Variants in PDE4D observed in about 807,000 individuals in gnomAD.
The protein encoded by PDE4D is phosphodiesterase 4D, also known as 3',5'-cyclic-AMP phosphodiesterase 4D.
Under a neutral mutation model 87.4 loss-of-function variants are expected in PDE4D, and 24 were observed. The ratio of observed to expected loss-of-function variants is 0.27; its 90% CI spans 0.20 to 0.39. PDE4D has a LOEUF of 0.39. PDE4D is among the 10% of genes least tolerant of loss of function. PDE4D has a pLI of 1.00. For missense variants in PDE4D, 714 were observed against 1,041.0 expected (o/e 0.69, Z 4.32); for synonymous variants, 384 against 383.2 (o/e 1.00, Z -0.02).
intron 1 of PDE4D, among the ~76,000 whole-genome samples, chr5:59,242,692 C>CG (rs1213596519): frequency 6.6e-6 from 1 of 152,104 alleles, no homozygotes; most frequent in African/African-American, 2.4e-5. Context: ...TTACTGTGTG[C>CG]TGTAGACTGT....
intron 1 of PDE4D, among the ~76,000 whole-genome samples, chr5:59,372,768 C>T (rs1448416589): frequency 6.6e-6 from 1 of 152,194 alleles, no homozygotes; most frequent in Non-Finnish European, 1.5e-5. Context: ...GGCAGGCACC[C>T]CCACACCCAC....
chr5:60,047,941 C>A (rs966413347), intron 2 of PDE4D, among the ~76,000 whole-genome samples: 8 of 152,064 alleles, frequency 5.3e-5, no homozygotes, highest in South Asian at 2.1e-4. Context: ...TGTCTCGTTG[C>A]TCTGTCTAAT....
intron 1 of PDE4D, among the ~76,000 whole-genome samples, chr5:59,638,249 CCTAA>C (rs1740931004): frequency 6.6e-6 from 1 of 152,036 alleles, no homozygotes; most frequent in South Asian, 2.1e-4. Context: ...CAAAGAAACT[CCTAA>C]CTCACTCCAT....
intron 1 of PDE4D, among the ~76,000 whole-genome samples, chr5:60,248,466 A>T (rs1748047789): frequency 6.6e-6 from 1 of 152,012 alleles, no homozygotes; most frequent in Admixed American, 6.6e-5. Flanking sequence ...TGGGCAGAGG[A>T]GAGGCAAAAT....
intron 5 of PDE4D, among the ~76,000 whole-genome samples, chr5:59,077,986 C>T (rs902286748): frequency 6.6e-6 from 1 of 152,136 alleles, no homozygotes; most frequent in South Asian, 2.1e-4. Flanking sequence ...AATGAGCAAC[C>T]GCGCATCTGG....
intron 2 of PDE4D, among the ~76,000 whole-genome samples, chr5:60,043,406 G>A (rs1768758926): frequency 6.6e-6 from 1 of 152,058 alleles, no homozygotes; most frequent in Non-Finnish European, 1.5e-5. Flanking sequence ...CCCCAACCCA[G>A]CAAGACAGGC....
chr5:59,513,846 G>A (rs780177714), intron 1 of PDE4D, among the ~76,000 whole-genome samples: 4 of 152,130 alleles, frequency 2.6e-5, no homozygotes, highest in Non-Finnish European at 4.4e-5. Context: ...TCTGAAGTTC[G>A]CTGTAAAGAT....
chr5:58,984,105 C>T (rs1300104176), intron 11 of PDE4D, among the ~76,000 whole-genome samples: 2 of 152,174 alleles, frequency 1.3e-5, no homozygotes, highest in African/African-American at 4.8e-5. Flanking sequence ...CAGCATGCTA[C>T]ACCATGTCTC....
intron 1 of PDE4D, among the ~76,000 whole-genome samples, chr5:59,246,153 C>G (rs939523558): frequency 1.3e-5 from 2 of 151,984 alleles, no homozygotes; most frequent in African/African-American, 4.8e-5. Flanking sequence ...GGTAAAAAGA[C>G]AAGGCAATCC....
chr5:59,357,913 G>C (rs1371301467), intron 1 of PDE4D, among the ~76,000 whole-genome samples: 3 of 152,130 alleles, frequency 2.0e-5, no homozygotes, highest in Non-Finnish European at 4.4e-5. Flanking sequence ...AAGGGAGAGC[G>C]CCACTTCTTC....
At chr5:59,254,397 G>A (rs1760560403) in intron 1 of PDE4D, among the ~76,000 whole-genome samples, 1 of 151,946 alleles carries the variant, frequency 6.6e-6, no homozygotes, top group Non-Finnish European at 1.5e-5. Context: ...CTAAATGTCT[G>A]TTTTTTAAAT....
intron 5 of PDE4D, among the ~76,000 whole-genome samples, chr5:59,135,595 C>G (rs936410019): frequency 2.6e-5 from 4 of 152,176 alleles, no homozygotes; most frequent in Non-Finnish European, 5.9e-5. Flanking sequence ...AAATGCCCAT[C>G]ATTAGCTCAG....
At chr5:59,355,593 T>C (rs1308839032) in intron 1 of PDE4D, among the ~76,000 whole-genome samples, 1 of 152,202 alleles carries the variant, frequency 6.6e-6, no homozygotes, top group Non-Finnish European at 1.5e-5. Context: ...CTAAATTTTA[T>C]AGCTGTAACA....
intron 1 of PDE4D, among the ~76,000 whole-genome samples, chr5:60,281,443 A>C (rs934180522): frequency 1.3e-5 from 2 of 152,220 alleles, no homozygotes; most frequent in Non-Finnish European, 2.9e-5. Context: ...AAATGTACTG[A>C]TTCTATATCC....
chr5:60,514,000 A>G (rs1209582045), intron 1 of PDE4D, among the ~76,000 whole-genome samples: 1 of 151,610 alleles, frequency 6.6e-6, no homozygotes, highest in African/African-American at 2.4e-5. Context: ...ATAGAAATCA[A>G]TGAAAATTTT....
At chr5:59,140,397 C>T (rs1777716684) in intron 5 of PDE4D, among the ~76,000 whole-genome samples, 1 of 152,140 alleles carries the variant, frequency 6.6e-6, no homozygotes, top group South Asian at 2.1e-4. Flanking sequence ...TTAAAGAACA[C>T]AAGAGTGAGA....
intron 2 of PDE4D, among the ~76,000 whole-genome samples, chr5:60,056,595 A>G (rs1290029741): frequency 1.3e-5 from 2 of 152,022 alleles, no homozygotes; most frequent in Non-Finnish European, 2.9e-5. Flanking sequence ...ATGATTCCGT[A>G]TATCTATAAT....
At chr5:60,346,296 C>T (rs1758742316) in intron 1 of PDE4D, among the ~76,000 whole-genome samples, 1 of 152,132 alleles carries the variant, frequency 6.6e-6, no homozygotes, top group Non-Finnish European at 1.5e-5. Context: ...CAGAGCATGT[C>T]AGATGTGGGT....
chr5:59,959,280 C>A (rs1486344080), intron 3 of PDE4D, among the ~76,000 whole-genome samples: 1 of 152,122 alleles, frequency 6.6e-6, no homozygotes, highest in African/African-American at 2.4e-5. Flanking sequence ...ACTAAAATGT[C>A]CATACTGCCC....
Sources: gnomAD v4.1 joint callset for allele counts (sites outside exome capture counted in the v4.1 genomes callset) on GRCh38, gnomAD v4.1.1 for gene constraint, MANE v1.5 for transcripts, NCBI Gene and HGNC (gene_info 2026-07-23, HGNC 2026-07-21) for gene names.